The following ADCY2 variants were observed in gnomAD, a reference collection of about 807,000 sequenced individuals.
The protein encoded by ADCY2 is adenylate cyclase 2.
In ADCY2, 31 loss-of-function variants were observed where a neutral mutation model predicts 125.2. The ratio of observed to expected loss-of-function variants is 0.25; its 90% CI spans 0.19 to 0.33. ADCY2 has a LOEUF of 0.33. ADCY2 is among the 10% of genes least tolerant of loss of function. The pLI is 1.00. For missense variants in ADCY2, 904 were observed against 1,418.2 expected (o/e 0.64, Z 5.82); for synonymous variants, 512 against 548.4 (o/e 0.93, Z 0.93).
intron 24 of ADCY2, 68 bp from the exon 25 acceptor site, chr5:7,826,651 C>G (rs778793096): frequency 1.2e-6 from 2 of 1,607,058 alleles, no homozygotes; most frequent in Non-Finnish European, 1.7e-6. Flanking sequence ...AGCTCTGCAT[C>G]CTTGAGTCAG....
At chr5:7,703,130 C>A (rs1476170042) in intron 7 of ADCY2, among the ~76,000 whole-genome samples, 1 of 151,912 alleles carries the variant, frequency 6.6e-6, no homozygotes, top group Non-Finnish European at 1.5e-5. Context: ...TGGATATTAG[C>A]CCTTTGTCAG....
At chr5:7,560,488 C>T (rs1579574088) in intron 3 of ADCY2, among the ~76,000 whole-genome samples, 5 of 152,210 alleles carry the variant, frequency 3.3e-5, no homozygotes, top group African/African-American at 7.2e-5. Context: ...TTGTCTTTAT[C>T]TCATATCTAC....
chr5:7,446,521 C>A (rs1025892240), intron 2 of ADCY2, among the ~76,000 whole-genome samples: 2 of 151,816 alleles, frequency 1.3e-5, no homozygotes, highest in African/African-American at 4.9e-5. Context: ...CAGAGCAAGA[C>A]CTTGTCTCTG....
intron 4 of ADCY2, among the ~76,000 whole-genome samples, chr5:7,647,419 G>A (rs1188604238): frequency 6.6e-6 from 1 of 152,120 alleles, no homozygotes; most frequent in African/African-American, 2.4e-5. Context: ...CAGAGACTTA[G>A]AGCAGGCTTA....
In ADCY2 at chr5:7,789,836, C is replaced by A. The variant is rs1317020414; in HGVS notation, c.2628+36C>A. ...GGGGGCTGGGGGCTGGGGGAGGGGG[C>A]TGGATGCCATGATGACCTGGGTGAG... On this transcript the variant is annotated intron_variant, in intron 20 of 24. Coordinates refer to ENST00000338316, the MANE Select transcript of ADCY2 (RefSeq NM_020546.3). The A allele has an allele frequency of 1.0e-5, 15 of 1,440,420 alleles. No homozygotes were observed. In the East Asian group the frequency reaches 3.7e-4, roughly 36 times the overall value. The allele number at this position is 1,440,420 out of a possible 1,614,324, so 89.2% of individuals were successfully genotyped here.
At chr5:7,423,313 G>C (rs1408429678) in intron 2 of ADCY2, among the ~76,000 whole-genome samples, 1 of 151,228 alleles carries the variant, frequency 6.6e-6, no homozygotes, top group Admixed American at 6.6e-5. Context: ...TTCCCAGCCA[G>C]AGCGTTGAGA....
chr5:7,629,640 G>A (rs2126661779), intron 4 of ADCY2, among the ~76,000 whole-genome samples: 1 of 152,284 alleles, frequency 6.6e-6, no homozygotes, highest in East Asian at 1.9e-4. Flanking sequence ...TTGGAATTGA[G>A]GCCGCCTTTA....
At chr5:7,504,516 A>ATAAATTAAG (rs1743726205) in intron 2 of ADCY2, among the ~76,000 whole-genome samples, 1 of 152,192 alleles carries the variant, frequency 6.6e-6, no homozygotes, top group African/African-American at 2.4e-5. Flanking sequence ...GTAATAGTAA[A>ATAAATTAAG]GTCATTATCA....
intron 1 of ADCY2, among the ~76,000 whole-genome samples, chr5:7,413,698 C>T (rs1395868090): frequency 6.6e-6 from 1 of 150,818 alleles, no homozygotes; most frequent in African/African-American, 2.4e-5. Context: ...CCATAGTAAA[C>T]GCTGTCCATA....
At chr5:7,776,974 T>C (rs1743750399) in intron 18 of ADCY2, among the ~76,000 whole-genome samples, 1 of 152,108 alleles carries the variant, frequency 6.6e-6, no homozygotes, top group Non-Finnish European at 1.5e-5. Context: ...CCAGCATCTC[T>C]CTTTCCCTGC....
At chr5:7,589,470 G>GAAAGAAAGA (rs1455935760) in intron 3 of ADCY2, among the ~76,000 whole-genome samples, 7 of 44,306 alleles carry the variant, frequency 1.6e-4, no homozygotes, top group African/African-American at 2.8e-4. Context: ...AAGAAAGAAA[G>GAAAGAAAGA]AAAGAAAGAA....
At chr5:7,552,608 A>T (rs1158829834) in intron 3 of ADCY2, among the ~76,000 whole-genome samples, 1 of 152,214 alleles carries the variant, frequency 6.6e-6, no homozygotes, top group Non-Finnish European at 1.5e-5. Context: ...TTCTGTGGCA[A>T]CTTCTTCTGA....
intron 18 of ADCY2, among the ~76,000 whole-genome samples, chr5:7,779,505 G>T (rs1324651780): frequency 6.6e-6 from 1 of 152,060 alleles, no homozygotes; most frequent in African/African-American, 2.4e-5. Context: ...CTTCACAAAA[G>T]GAAACCACAA....
intron 5 of ADCY2, chr5:7,691,527 A>G (rs1740704464): frequency 6.6e-6 from 1 of 151,534 alleles, no homozygotes; most frequent in Admixed American, 6.6e-5. Flanking sequence ...TGAGCTCTAG[A>G]GAGAAATTAT....
intron 22 of ADCY2, among the ~76,000 whole-genome samples, chr5:7,806,718 C>T (rs1451517604): frequency 1.3e-5 from 2 of 152,178 alleles, no homozygotes; most frequent in Non-Finnish European, 2.9e-5. Context: ...ACCATAATTA[C>T]CTCCTAACAA....
intron 3 of ADCY2, among the ~76,000 whole-genome samples, chr5:7,521,188 C>T (rs1279205652): frequency 6.6e-6 from 1 of 152,160 alleles, no homozygotes; most frequent in East Asian, 1.9e-4. Flanking sequence ...TTTTGATGGT[C>T]AAAAGGTGTT....
chr5:7,561,170 TTA>T (rs1314174200), intron 3 of ADCY2, among the ~76,000 whole-genome samples: 2 of 152,246 alleles, frequency 1.3e-5, no homozygotes, highest in African/African-American at 2.4e-5. Flanking sequence ...TTTTCATTTT[TTA>T]TGTTTCTATT....
chr5:7,540,638 T>G (rs987194978), intron 3 of ADCY2, among the ~76,000 whole-genome samples: 36 of 152,282 alleles, frequency 2.4e-4, no homozygotes, highest in African/African-American at 8.2e-4. Flanking sequence ...CCAAAGAGTC[T>G]CCAAAGAGCA....
chr5:7,728,527 A>G (rs1307766080), intron 14 of ADCY2, among the ~76,000 whole-genome samples: 1 of 152,186 alleles, frequency 6.6e-6, no homozygotes, highest in African/African-American at 2.4e-5. Flanking sequence ...CAATGTTAAC[A>G]TTATCAGTTT....
Sources: gnomAD v4.1 joint callset for allele counts (sites outside exome capture counted in the v4.1 genomes callset) on GRCh38, gnomAD v4.1.1 for gene constraint, MANE v1.5 for transcripts, NCBI Gene and HGNC (gene_info 2026-07-23, HGNC 2026-07-21) for gene names.